APBA1: variants seen among roughly 807,000 people sequenced by gnomAD.
APBA1 encodes the protein amyloid-beta A4 precursor protein-binding family A member 1.
In APBA1, 55 loss-of-function variants were observed where a neutral mutation model predicts 86.6. The ratio of observed to expected loss-of-function variants is 0.64; its 90% CI spans 0.51 to 0.80. APBA1 has a LOEUF of 0.80. Ranked by LOEUF, APBA1 falls within the 30% of genes least tolerant of loss-of-function variation. APBA1 has a pLI of 0.00. For synonymous variants in APBA1, 511 were observed against 493.9 expected (o/e 1.03, Z -0.46); for missense variants, 1,090 against 1,183.0 (o/e 0.92, Z 1.15).
At chr9:69,591,250 C>A (rs927878272) in intron 1 of APBA1, among the ~76,000 whole-genome samples, 2 of 152,192 alleles carry the variant, frequency 1.3e-5, no homozygotes, top group Non-Finnish European at 2.9e-5. Flanking sequence ...CTTTAGTTCT[C>A]TGTCTTTTCT....
Position 69,457,156 on chromosome 9 carries a change from C to T in APBA1, c.1516-17G>A. The T allele has an allele frequency of 6.2e-7, 1 of 1,608,904 alleles. No individual in the cohort carries two copies. The highest frequency in any genetic ancestry group is 8.5e-7 in the Non-Finnish European group (1 of 1,175,238). ...TTCAGGAGCCTGAGAAGAAAAAATG[C>T]ACCAAGAGAAAGTTTGACCACACTA... On this transcript the variant is annotated splice_polypyrimidine_tract_variant and intron_variant, in intron 6 of 12. Coordinates refer to ENST00000265381, the MANE Select transcript of APBA1 (RefSeq NM_001163.4).
At chr9:69,598,777 T>A (rs1325864216) in intron 1 of APBA1, among the ~76,000 whole-genome samples, 2 of 152,206 alleles carry the variant, frequency 1.3e-5, no homozygotes, top group Non-Finnish European at 2.9e-5. Flanking sequence ...GGGCCTGGAA[T>A]ACACCAGGAA....
At chr9:69,567,258 A>T (rs1837041928) in intron 1 of APBA1, among the ~76,000 whole-genome samples, 1 of 152,190 alleles carries the variant, frequency 6.6e-6, no homozygotes, top group South Asian at 2.1e-4. Context: ...GAGAAGGGTG[A>T]TTCCCACAGA....
chr9:69,483,520 T>C (rs965146819), intron 2 of APBA1, among the ~76,000 whole-genome samples: 9 of 151,976 alleles, frequency 5.9e-5, no homozygotes, highest in African/African-American at 1.7e-4. Flanking sequence ...TTGGTGAGCA[T>C]AGTGTGAAAC....
intron 1 of APBA1, among the ~76,000 whole-genome samples, chr9:69,549,240 G>A (rs1051674683): frequency 1.2e-4 from 19 of 152,192 alleles, no homozygotes; most frequent in Non-Finnish European, 4.4e-5. Context: ...ATTAGTGGAT[G>A]TAAAGAGTGG....
chr9:69,589,644 G>A (rs1161150523), intron 1 of APBA1, among the ~76,000 whole-genome samples: 1 of 152,128 alleles, frequency 6.6e-6, no homozygotes, highest in Non-Finnish European at 1.5e-5. Flanking sequence ...AGTCTTTAGT[G>A]TATTAAAGCC....
In APBA1 at chr9:69,611,750, G is replaced by A. The variant is rs899841166; in HGVS notation, c.-70+60403C>T. On this transcript the variant is annotated intron_variant, in intron 1 of 12. Coordinates refer to ENST00000265381, the MANE Select transcript of APBA1 (RefSeq NM_001163.4). ...AAAGCTATAAGGTATTTATTTGTGT[G>A]TGGGTATGTGCATTGTGTGTTCACA... is the stretch of plus-strand genomic sequence containing the variant. Among the ~76,000 whole-genome samples the A allele has an allele frequency of 3.3e-5, 5 of 152,212 alleles. No homozygotes were observed. In the South Asian group the frequency reaches 1.0e-3, roughly 31 times the overall value.
chr9:69,456,746 C>G (rs539396377), intron 7 of APBA1, among the ~76,000 whole-genome samples: 1 of 150,678 alleles, frequency 6.6e-6, no homozygotes, highest in African/African-American at 2.4e-5. Flanking sequence ...TTTTTGTGTG[C>G]GTGAATGTAA....
chr9:69,490,932 G>A (rs1215170680), intron 2 of APBA1, among the ~76,000 whole-genome samples: 13 of 150,656 alleles, frequency 8.6e-5, no homozygotes, highest in South Asian at 2.1e-4. Flanking sequence ...TTAGAATGGC[G>A]ATCACTAAAA....
Position 69,641,995 on chromosome 9 carries a change from G to A in APBA1, c.-70+30158C>T, listed in dbSNP as rs893987649. ...CAAGTAGTTGGGACTACAGGCACAC[G>A]CCACCACACCTGGCTAATTTTTTGT... is the stretch of plus-strand genomic sequence containing the variant. On this transcript the variant is annotated intron_variant, in intron 1 of 12. Transcript: ENST00000265381. Among the ~76,000 whole-genome samples, 6 of 152,148 alleles carry A rather than the reference G, an allele frequency of 3.9e-5. No individual in the cohort carries two copies. In the East Asian group the frequency reaches 9.6e-4, roughly 24 times the overall value.
At chr9:69,643,257 C>T (rs1226046553) in intron 1 of APBA1, among the ~76,000 whole-genome samples, 2 of 152,176 alleles carry the variant, frequency 1.3e-5, no homozygotes, top group East Asian at 3.9e-4. Context: ...TGAAGACTTT[C>T]TTCACCTGCC....
chr9:69,473,462 C>A (rs1835395944), intron 3 of APBA1, among the ~76,000 whole-genome samples: 1 of 152,122 alleles, frequency 6.6e-6, no homozygotes, highest in Non-Finnish European at 1.5e-5. Context: ...AATTGCTTAG[C>A]CTCCAGGTAT....
At chr9:69,465,438 C>T (rs1835262058) in intron 5 of APBA1, 2 of 152,174 alleles carry the variant, frequency 1.3e-5, no homozygotes, top group Non-Finnish European at 2.9e-5. Context: ...CAAAATAGGA[C>T]GTGACTTTGC....
rs750346698 is a variant in APBA1 at position 69,516,970 on chromosome 9, T to C, written c.241A>G (p.Thr81Ala). ...RGECLARSAS[T>A]ESGFHNHTDT... ...GTGTGGTTGTGGAAGCCGCTCTCCG[T>C]GCTGGCTGAGCGCGCCAGGCATTCC... is the stretch of plus-strand genomic sequence containing the variant. The change falls in exon 2 of 13, where the codon ACG becomes GCG. Residue 81 changes from threonine (T) to alanine (A), a missense_variant. By Grantham distance (58) the Thr-to-Ala change is moderately conservative. This residue lies in a region of APBA1 where 678 missense variants were observed against 647.1 expected (regional missense o/e 1.05). Transcript: ENST00000265381. This position sits in a 1 kb window ranked among gnomAD's most constrained non-coding sequence, Gnocchi z 7.3. 6.3e-6 allele frequency: 10 copies of C among 1,591,314 alleles called. No homozygotes were observed. Among genetic ancestry groups the C allele is most frequent in the Non-Finnish European group, 6.0e-6 (7 of 1,175,778 alleles).
intron 1 of APBA1, among the ~76,000 whole-genome samples, chr9:69,575,437 C>T (rs1045736608): frequency 8.5e-5 from 13 of 152,278 alleles, no homozygotes; most frequent in South Asian, 2.1e-4. Context: ...GGAGGCGTCA[C>T]GCTACCTGAC....
At chr9:69,457,265 G>T in intron 6 of APBA1, 126 bp from the exon 7 acceptor site, 1 of 678,326 alleles carries the variant, frequency 1.5e-6, no homozygotes. Context: ...ACAGACTCTA[G>T]GGTTAAACTG....
At chr9:69,626,902 G>GAAA (rs11380646) in intron 1 of APBA1, among the ~76,000 whole-genome samples, 7 of 120,706 alleles carry the variant, frequency 5.8e-5, no homozygotes, top group African/African-American at 8.5e-5. Flanking sequence ...AGCACCTACA[G>GAAA]AAAAAAAAAA....
chr9:69,516,212 C>T lies in APBA1; in HGVS notation c.999G>A (p.Glu333=). The change falls in exon 2 of 13, where the codon GAG becomes GAA. Residue 333 remains glutamate (E), a synonymous_variant. Coordinates refer to ENST00000265381, the MANE Select transcript of APBA1 (RefSeq NM_001163.4). The surrounding 1 kb of genome is among the most constrained non-coding windows in gnomAD (Gnocchi z 7.3). ...TCTCCTTGCTGTACCGCTGCCCCGCCTCGCCGCCGCCCGCGGGGCCCACCG... is the reference window on the plus strand; with the variant it reads ...TCTCCTTGCTGTACCGCTGCCCCGCTTCGCCGCCGCCCGCGGGGCCCACCG... The part of the protein sequence containing the change: ...QRAVGPAGGG[E]AGQRYSKEKR... 5.3e-6 allele frequency: 8 copies of T among 1,512,176 alleles called. No individual in the cohort carries two copies. Among genetic ancestry groups the T allele is most frequent in the Non-Finnish European group, 7.1e-6 (8 of 1,128,152 alleles). The allele number at this position is 1,512,176 out of a possible 1,614,324, so 93.7% of individuals were successfully genotyped here.
intron 4 of APBA1, 103 bp from the exon 5 acceptor site, chr9:69,468,071 G>A: frequency 7.0e-7 from 1 of 1,428,138 alleles, no homozygotes; most frequent in Non-Finnish European, 9.6e-7. Context: ...GCTGGCACAG[G>A]TGAGGCAGAG....
Sources: gnomAD v4.1 joint callset for allele counts (sites outside exome capture counted in the v4.1 genomes callset) on GRCh38, gnomAD v4.1.1 for gene constraint, gnomAD v4.1.1 regional missense constraint, Gnocchi (gnomAD v3.1) non-coding constraint, MANE v1.5 for transcripts, NCBI Gene and HGNC (gene_info 2026-07-23, HGNC 2026-07-21) for gene names.